Variants in NBPF9 observed in about 807,000 individuals in gnomAD.
NBPF9 encodes NBPF member 9.
NBPF9 carries 91 observed loss-of-function variants against 97.8 expected under a neutral mutation model. That is an observed-to-expected ratio of 0.93 (90% CI 0.79 to 1.11). The LOEUF is 1.11. NBPF9 is among the 50% of genes least tolerant of loss of function. The pLI is 0.00. For missense variants in NBPF9, 992 were observed against 939.5 expected, an observed-to-expected ratio of 1.06 and a Z score of -0.73; for synonymous variants, 334 against 359.5, an observed-to-expected ratio of 0.93 and a Z score of 0.80.
chr1:149,079,271 C>G, intron 8 of NBPF9, 50 bp from the exon 9 acceptor site: 2 of 1,180,632 alleles, frequency 1.7e-6, no homozygotes. Context: ...GTTGAGTGAT[C>G]CGTTCAAATA....
chr1:149,075,367 C>A (rs1272236122), intron 12 of NBPF9, among the ~76,000 whole-genome samples: 3 of 152,232 alleles, frequency 2.0e-5, no homozygotes, highest in Non-Finnish European at 4.4e-5. Flanking sequence ...TTCTTGAAAA[C>A]ACGATTGAGC....
At chr1:149,087,828 CTTTTTTTTT>C (rs60084667) in intron 5 of NBPF9, among the ~76,000 whole-genome samples, 2 of 88,556 alleles carry the variant, frequency 2.3e-5, no homozygotes, top group Admixed American at 1.2e-4. Flanking sequence ...GTTGACTTTC[CTTTTTTTTT>C]TTTTTTTTTT....
intron 4 of NBPF9, among the ~76,000 whole-genome samples, chr1:149,097,586 T>C (rs1553662117): frequency 6.6e-6 from 1 of 152,142 alleles, no homozygotes; most frequent in Non-Finnish European, 1.5e-5. Flanking sequence ...TGGACTTCCC[T>C]CCTTGCACTG....
intron 12 of NBPF9, among the ~76,000 whole-genome samples, chr1:149,075,443 T>C (rs1431039395): frequency 7.2e-5 from 11 of 152,170 alleles, no homozygotes; most frequent in Admixed American, 1.3e-4. Flanking sequence ...TTAACTCTAG[T>C]CCCACCCCCA....
At chr1:149,055,892 C>A (rs200319336) in exon 30 of NBPF9, 7 of 1,611,356 alleles carry the variant, frequency 4.3e-6, no homozygotes, top group Non-Finnish European at 5.9e-6. Flanking sequence ...ATCAGCACGC[C>A]GTTGAGCCTG....
chr1:149,092,729 A>C, intron 4 of NBPF9: 1 of 317,502 alleles, frequency 3.1e-6, no homozygotes, highest in East Asian at 1.8e-4. Context: ...TCAATGAAAG[A>C]ACTACAGTAA....
At chr1:149,093,533 G>A (rs1553660676) in intron 4 of NBPF9, among the ~76,000 whole-genome samples, 1 of 145,102 alleles carries the variant, frequency 6.9e-6, no homozygotes, top group Non-Finnish European at 1.5e-5. Context: ...GCTTTCCTAG[G>A]CAGAGGACCC....
intron 26 of NBPF9, chr1:149,058,724 G>C (rs1161806634): frequency 4.5e-6 from 2 of 447,382 alleles, no homozygotes; most frequent in African/African-American, 2.9e-5. Flanking sequence ...CTGGAGACTA[G>C]GAATAGAGCC....
Position 149,082,158 on chromosome 1 carries a change from A to C in NBPF9, c.-19T>G, listed in dbSNP as rs2152909329. On this transcript the variant is annotated 5_prime_UTR_variant, in exon 7 of 30. Transcript: ENST00000584027. ...CCACCATGCTGACGTTTGTGGCAGA[A>C]GAGGTGGGGCCAGGGACTGGGGAGA... 1.9e-6 allele frequency: 3 copies of C among 1,612,082 alleles called. No homozygotes were observed. The East Asian group carries it at 6.7e-5, about 36-fold the overall frequency.
exon 16 of NBPF9, chr1:149,071,109 G>T (rs782388942): frequency 6.2e-7 from 1 of 1,605,548 alleles, no homozygotes; most frequent in East Asian, 2.2e-5. Flanking sequence ...AGTCCTCAGG[G>T]ACTTCCTTTT....
At chr1:149,099,229 C>T (rs1281335780) in intron 3 of NBPF9, among the ~76,000 whole-genome samples, 1 of 152,228 alleles carries the variant, frequency 6.6e-6, no homozygotes, top group Non-Finnish European at 1.5e-5. Context: ...TCTATCTGTA[C>T]ACGTATATTC....
intron 9 of NBPF9, 75 bp downstream of exon 9, chr1:149,078,932 A>G: frequency 6.4e-7 from 1 of 1,552,376 alleles, no homozygotes; most frequent in Non-Finnish European, 8.9e-7. Context: ...TACAACTGTC[A>G]TTGTGAAAGT....
intron 24 of NBPF9, chr1:149,060,321 T>C: frequency 2.4e-6 from 1 of 423,320 alleles, no homozygotes; most frequent in Non-Finnish European, 4.4e-6. Context: ...GGCCTGAGAC[T>C]AGGAAGAGAG....
chr1:149,095,019 G>A (rs1313330389), intron 4 of NBPF9, among the ~76,000 whole-genome samples: 1 of 145,734 alleles, frequency 6.9e-6, no homozygotes, highest in Admixed American at 6.7e-5. Context: ...TTCTCATGAT[G>A]AAGTTCAGAA....
chr1:149,097,098 AAGGG>A (rs1331259160), intron 4 of NBPF9, among the ~76,000 whole-genome samples: 1 of 139,528 alleles, frequency 7.2e-6, no homozygotes, highest in African/African-American at 2.8e-5. Context: ...GGAAGGAAGG[AAGGG>A]AGGGAGGGTG....
chr1:149,079,446 C>A (rs2080212133), intron 8 of NBPF9, among the ~76,000 whole-genome samples: 2 of 151,676 alleles, frequency 1.3e-5, no homozygotes, highest in Non-Finnish European at 2.9e-5. Context: ...ATGTTCCATT[C>A]ATCTTTCCCT....
intron 14 of NBPF9, among the ~76,000 whole-genome samples, chr1:149,071,890 CAAATATTGA>C (rs1406247142): frequency 6.6e-6 from 1 of 151,786 alleles, no homozygotes; most frequent in Non-Finnish European, 1.5e-5. Context: ...AACATGTGGC[CAAATATTGA>C]AAAGACCTTT....
At chr1:149,084,291 A>G (rs1468837428) in intron 5 of NBPF9, among the ~76,000 whole-genome samples, 16 of 147,608 alleles carry the variant, frequency 1.1e-4, no homozygotes, top group Admixed American at 1.4e-4. Flanking sequence ...ATATACACAT[A>G]TATACATGTA....
rs2079032855 is a variant in NBPF9 at position 149,066,210 on chromosome 1, T to C, written c.1638-521A>G. ...AAGCATATATACACCTCTCCCTTGATTTAGACACATGGGAGAGAATAGGCA... is the reference window on the plus strand; with the variant it reads ...AAGCATATATACACCTCTCCCTTGACTTAGACACATGGGAGAGAATAGGCA... On this transcript the variant is annotated intron_variant, in intron 17 of 29. Transcript: ENST00000584027. 2 of 120,516 alleles carry C rather than the reference T, an allele frequency of 1.7e-5. 1 individual carries two copies. The allele number at this position is 120,516 out of a possible 1,614,324, so 7.5% of individuals were successfully genotyped here. A position where few individuals can be genotyped will look rare whatever the true frequency, so the allele number is the denominator to read the frequency against.
Sources: gnomAD v4.1 joint callset for allele counts (sites outside exome capture counted in the v4.1 genomes callset) on GRCh38, gnomAD v4.1.1 for gene constraint, MANE v1.5 for transcripts, NCBI Gene and HGNC (gene_info 2026-07-23, HGNC 2026-07-21) for gene names.